Variants in ATP10D observed in about 807,000 individuals in gnomAD.
ATP10D encodes ATPase phospholipid transporting 10D (putative).
A neutral mutation model predicts 144.8 loss-of-function variants in ATP10D; 89 were observed. The observed-to-expected ratio is 0.61, with a 90% CI of 0.52 to 0.73. ATP10D has a LOEUF of 0.73. Ranked by LOEUF, ATP10D falls within the 30% of genes least tolerant of loss-of-function variation. ATP10D has a pLI of 0.00. For synonymous variants in ATP10D, 571 were observed against 615.1 expected (o/e 0.93, Z 1.06); for missense variants, 1,603 against 1,714.8 (o/e 0.93, Z 1.15).
intron 1 of ATP10D, among the ~76,000 whole-genome samples, chr4:47,499,019 C>A (rs1006768057): frequency 6.6e-6 from 1 of 152,150 alleles, no homozygotes; most frequent in African/African-American, 2.4e-5. Flanking sequence ...TAAATGAGCA[C>A]GTATCTGTGT....
chr4:47,504,063 T>C (rs1467330922), intron 1 of ATP10D, among the ~76,000 whole-genome samples: 3 of 152,182 alleles, frequency 2.0e-5, no homozygotes, highest in Non-Finnish European at 4.4e-5. Flanking sequence ...ACAGAAAATA[T>C]TGAATGGCAC....
chr4:47,513,133 T>C (rs986991988), intron 2 of ATP10D, among the ~76,000 whole-genome samples: 1 of 152,238 alleles, frequency 6.6e-6, no homozygotes, highest in Non-Finnish European at 1.5e-5. Context: ...AGGGGCTGCC[T>C]CTGGGGGTCT....
chr4:47,486,413 C>T (rs1318500483), intron 1 of ATP10D, among the ~76,000 whole-genome samples: 1 of 152,214 alleles, frequency 6.6e-6, no homozygotes, highest in Non-Finnish European at 1.5e-5. Context: ...ATGGACAGAG[C>T]AAACCTCTAA....
intron 9 of ATP10D, among the ~76,000 whole-genome samples, chr4:47,539,994 G>A (rs1718054599): frequency 2.0e-5 from 3 of 152,248 alleles, no homozygotes; most frequent in South Asian, 4.2e-4. Context: ...ACCTGTTTGG[G>A]AACCAAAGTT....
At chr4:47,532,688 A>G (rs1471637233) in intron 5 of ATP10D, among the ~76,000 whole-genome samples, 2 of 152,172 alleles carry the variant, frequency 1.3e-5, no homozygotes, top group East Asian at 1.9e-4. Flanking sequence ...CTACCTGTCT[A>G]TATGACACCT....
At chr4:47,522,397 T>A (rs73237080) in intron 3 of ATP10D, among the ~76,000 whole-genome samples, 19,646 of 152,170 alleles carry the variant, frequency 0.13, 1,522 homozygotes, top group South Asian at 0.24. Context: ...AATGAGCCCA[T>A]CAAATGTTGA....
At chr4:47,502,248 G>A (rs1715722974) in intron 1 of ATP10D, among the ~76,000 whole-genome samples, 1 of 152,154 alleles carries the variant, frequency 6.6e-6, no homozygotes, top group South Asian at 2.1e-4. Flanking sequence ...GCCGAGGCGG[G>A]CGGATCACGA....
rs1320373884 is a variant in ATP10D at position 47,560,958 on chromosome 4, G to A, written c.2551G>A (p.Asp851Asn). 5.6e-6 allele frequency: 9 copies of A among 1,614,108 alleles called. No individual in the cohort carries two copies. Among genetic ancestry groups the A allele is most frequent in the Non-Finnish European group, 7.6e-6 (9 of 1,179,986 alleles). ...TLCIAKKVMS[D>N]TEYAEWLRNH... ...TTAATTCTTCCCGTAGGTCATGAGT[G>A]ACACTGAATATGCAGAGTGGCTGAG... The change falls in exon 14 of 23, where the codon GAC becomes AAC. Residue 851 changes from aspartate (D) to asparagine (N), a missense_variant. Asp to Asn is a conservative substitution (Grantham distance 23). Coordinates refer to ENST00000273859, the MANE Select transcript of ATP10D (RefSeq NM_020453.4).
intron 22 of ATP10D, among the ~76,000 whole-genome samples, chr4:47,589,551 A>G (rs886414982): frequency 3.3e-5 from 5 of 152,104 alleles, no homozygotes; most frequent in African/African-American, 9.7e-5. Context: ...TTTACTTATT[A>G]GTTCCAATAT....
intron 9 of ATP10D, among the ~76,000 whole-genome samples, chr4:47,539,137 A>G (rs1299074813): frequency 1.3e-5 from 2 of 152,146 alleles, no homozygotes; most frequent in African/African-American, 4.8e-5. Context: ...CAAAAGGTTT[A>G]TATCTTTGTT....
chr4:47,585,414 A>G (rs1351535487), intron 21 of ATP10D, among the ~76,000 whole-genome samples: 1 of 152,110 alleles, frequency 6.6e-6, no homozygotes, highest in Admixed American at 6.5e-5. Flanking sequence ...AGATGTTTTG[A>G]TACAGGGTTG....
At position 47,554,768 on chromosome 4, in the gene ATP10D, A is replaced by G. The variant is rs1420461014; in HGVS notation, c.1678A>G (p.Ser560Gly). 5.3e-5 allele frequency: 85 copies of G among 1,613,734 alleles called. No individual in the cohort carries two copies. Among genetic ancestry groups the G allele is most frequent in the Non-Finnish European group, 7.1e-5 (84 of 1,179,864 alleles). Reference protein sequence around the residue: ...VPDTRLLDKFSQITPRLFMPL... With the variant: ...VPDTRLLDKFGQITPRLFMPL... ...AGACACCAGGCTTTTAGACAAATTT[A>G]GTCAGATTACACCTCGGCTCTTTAT... is the stretch of plus-strand genomic sequence containing the variant. Residue 560 changes from serine (S) to glycine (G), a missense_variant, in exon 11 of 23, where the codon AGT becomes GGT. By Grantham distance (56) the Ser-to-Gly change is moderately conservative (BLOSUM62 0). Coordinates refer to ENST00000273859, the MANE Select transcript of ATP10D (RefSeq NM_020453.4).
At chr4:47,496,122 A>C (rs1715351565) in intron 1 of ATP10D, among the ~76,000 whole-genome samples, 1 of 145,320 alleles carries the variant, frequency 6.9e-6, no homozygotes, top group African/African-American at 2.5e-5. Flanking sequence ...CAATTTCTCT[A>C]TTTCTCAACA....
intron 1 of ATP10D, among the ~76,000 whole-genome samples, chr4:47,504,653 C>T (rs1484632660): frequency 2.0e-5 from 3 of 152,072 alleles, no homozygotes; most frequent in African/African-American, 7.2e-5. Flanking sequence ...AGCTCCGCCT[C>T]CCGGGTTCAC....
At chr4:47,531,217 C>G (rs1223990952) in intron 5 of ATP10D, among the ~76,000 whole-genome samples, 1 of 152,080 alleles carries the variant, frequency 6.6e-6, no homozygotes, top group Non-Finnish European at 1.5e-5. Flanking sequence ...TCCATAGCAT[C>G]TGTAAGTAGC....
At chr4:47,530,173 C>G (rs1268386196) in intron 5 of ATP10D, among the ~76,000 whole-genome samples, 1 of 152,142 alleles carries the variant, frequency 6.6e-6, no homozygotes, top group East Asian at 1.9e-4. Context: ...GTTGGGACTC[C>G]AAGTACTATG....
At chr4:47,512,226 C>T (rs1055799119) in intron 1 of ATP10D, among the ~76,000 whole-genome samples, 15 of 152,300 alleles carry the variant, frequency 9.8e-5, no homozygotes, top group Non-Finnish European at 1.9e-4. Flanking sequence ...AGTTAAGAGA[C>T]TTGCACAAAT....
intron 9 of ATP10D, among the ~76,000 whole-genome samples, chr4:47,545,129 T>A (rs1223480171): frequency 1.3e-5 from 2 of 152,176 alleles, no homozygotes; most frequent in African/African-American, 4.8e-5. Flanking sequence ...ATCTTGAAAT[T>A]CCGTAGGAAA....
chr4:47,585,359 AT>A (rs2109479654), intron 21 of ATP10D, among the ~76,000 whole-genome samples: 1 of 152,070 alleles, frequency 6.6e-6, no homozygotes, highest in African/African-American at 2.4e-5. Context: ...TATTTCTAAA[AT>A]TTTTGTGGGT....
Sources: gnomAD v4.1 joint callset for allele counts (sites outside exome capture counted in the v4.1 genomes callset) on GRCh38, gnomAD v4.1.1 for gene constraint, MANE v1.5 for transcripts, NCBI Gene and HGNC (gene_info 2026-07-23, HGNC 2026-07-21) for gene names.